TYW1B: variants seen among roughly 807,000 people sequenced by gnomAD.
The protein encoded by TYW1B is S-adenosyl-L-methionine-dependent tRNA 4-demethylwyosine synthase TYW1B.
TYW1B carries 73 observed loss-of-function variants against 86.9 expected under a neutral mutation model. The ratio of observed to expected loss-of-function variants is 0.84; its 90% CI spans 0.70 to 1.02. The LOEUF (loss-of-function observed/expected upper bound fraction) is 1.02. Among genes scored for constraint, TYW1B ranks in the 50% least tolerant of loss-of-function variants. The probability of loss-of-function intolerance (pLI) is 0.00; values close to 1 mark genes in which losing one functional copy is unlikely to be tolerated. For missense variants in TYW1B, 637 were observed against 827.4 expected (o/e 0.77, Z 2.82); for synonymous variants, 248 against 292.8 (o/e 0.85, Z 1.56).
chr7:72,720,340 G>A (rs559101414), intron 9 of TYW1B, among the ~76,000 whole-genome samples: 2 of 152,236 alleles, frequency 1.3e-5, no homozygotes, highest in African/African-American at 4.8e-5. Flanking sequence ...ATCAACAAAG[G>A]GTACTACCAC....
At chr7:72,744,418 G>A (rs1787357811) in intron 8 of TYW1B, 66 bp downstream of exon 8, 7 of 1,459,646 alleles carry the variant, frequency 4.8e-6, no homozygotes, top group Non-Finnish European at 5.8e-6. Flanking sequence ...CTGAGTGTGA[G>A]CTGGGCAGAT....
intron 3 of TYW1B, among the ~76,000 whole-genome samples, chr7:72,812,788 C>T (rs1407048270): frequency 2.0e-5 from 3 of 151,668 alleles, no homozygotes; most frequent in African/African-American, 4.8e-5. Context: ...CTCCACCTCC[C>T]GAGTTTAAGC....
At chr7:72,724,195 G>C (rs1341525895) in intron 9 of TYW1B, among the ~76,000 whole-genome samples, 1 of 152,174 alleles carries the variant, frequency 6.6e-6, no homozygotes, top group Non-Finnish European at 1.5e-5. Flanking sequence ...ATGAGAGCCA[G>C]GCACAGTGGC....
intron 8 of TYW1B, among the ~76,000 whole-genome samples, chr7:72,731,744 C>T (rs1787115123): frequency 6.6e-6 from 1 of 152,084 alleles, no homozygotes; most frequent in Admixed American, 6.6e-5. Flanking sequence ...GAGTTCGAGA[C>T]CAGCCTGGCC....
intron 6 of TYW1B, among the ~76,000 whole-genome samples, chr7:72,794,991 T>C (rs1444860981): frequency 6.6e-6 from 1 of 152,004 alleles, no homozygotes; most frequent in Non-Finnish European, 1.5e-5. Context: ...TTTTTGTTTT[T>C]GTATTTTTGG....
At chr7:72,741,362 T>C (rs1265729003) in intron 8 of TYW1B, among the ~76,000 whole-genome samples, 2 of 152,064 alleles carry the variant, frequency 1.3e-5, no homozygotes, top group African/African-American at 4.8e-5. Context: ...AACAGAAGAT[T>C]TGAACAGGCA....
At chr7:72,722,210 T>A (rs1786917193) in intron 9 of TYW1B, among the ~76,000 whole-genome samples, 1 of 152,146 alleles carries the variant, frequency 6.6e-6, no homozygotes, top group Admixed American at 6.5e-5. Flanking sequence ...TATGTTAGCA[T>A]ACCTAGCTTG....
intron 6 of TYW1B, among the ~76,000 whole-genome samples, chr7:72,789,356 G>A (rs1416831195): frequency 2.7e-5 from 4 of 149,812 alleles, no homozygotes; most frequent in South Asian, 2.1e-4. Context: ...GGCTGGTCTC[G>A]AACTCCTGAC....
At chr7:72,728,045 T>G (rs189334726) in intron 9 of TYW1B, among the ~76,000 whole-genome samples, 172 of 152,290 alleles carry the variant, frequency 1.1e-3, no homozygotes, top group Non-Finnish European at 1.5e-3. Context: ...TTTTACCACA[T>G]TACTGTGCAT....
chr7:72,723,215 T>C lies in TYW1B; in HGVS notation c.1192+5607A>G, dbSNP rs546822218. 77 of 360,222 alleles carry C rather than the reference T, an allele frequency of 2.1e-4. 2 individuals are homozygous for C. In the South Asian group the frequency reaches 9.0e-3, roughly 42 times the overall value. 22.3% of individuals were successfully genotyped at this position (360,222 alleles called of 1,614,324 possible). A position where few individuals can be genotyped will look rare whatever the true frequency, so the allele number is the denominator to read the frequency against. ...GGGCCTCACTTCCCCTCCTTCCCTT[T>C]CCCCTGGTCCCCTGTCCCTGGGGTT... On this transcript the variant is annotated intron_variant, in intron 9 of 13. Transcript: ENST00000620995.
intron 10 of TYW1B, among the ~76,000 whole-genome samples, chr7:72,712,610 G>A (rs1235635444): frequency 6.6e-6 from 1 of 152,200 alleles, no homozygotes; most frequent in Non-Finnish European, 1.5e-5. Context: ...TGACAGGCAT[G>A]AGCCACCGCG....
intron 10 of TYW1B, among the ~76,000 whole-genome samples, chr7:72,707,061 C>T (rs1374635911): frequency 6.6e-6 from 1 of 152,206 alleles, no homozygotes; most frequent in African/African-American, 2.4e-5. Context: ...GTCTGTTGTG[C>T]TGTATGTAGA....
chr7:72,798,008 T>C (rs1483677840), intron 6 of TYW1B, among the ~76,000 whole-genome samples: 11 of 58,768 alleles, frequency 1.9e-4, no homozygotes, highest in African/African-American at 4.9e-4. Context: ...TATTTATATA[T>C]ATACACACAC....
At chr7:72,817,334 G>A (rs1554479639) in intron 2 of TYW1B, among the ~76,000 whole-genome samples, 1 of 152,090 alleles carries the variant, frequency 6.6e-6, no homozygotes, top group African/African-American at 2.4e-5. Flanking sequence ...CTCGAACCCA[G>A]GAGGCGGAGG....
At chr7:72,772,102 G>A (rs1373769051) in intron 7 of TYW1B, among the ~76,000 whole-genome samples, 1 of 151,462 alleles carries the variant, frequency 6.6e-6, no homozygotes, top group Non-Finnish European at 1.5e-5. Context: ...ATCTACCTCC[G>A]CCTCCCAAAG....
intron 12 of TYW1B, among the ~76,000 whole-genome samples, chr7:72,619,404 G>A (rs548141772): frequency 1.3e-5 from 2 of 152,236 alleles, no homozygotes; most frequent in East Asian, 3.9e-4. Flanking sequence ...CACTTTGGGA[G>A]GCCGAGGCGG....
chr7:72,727,769 G>C (rs1563073721), intron 9 of TYW1B, among the ~76,000 whole-genome samples: 1 of 129,492 alleles, frequency 7.7e-6, no homozygotes, highest in Non-Finnish European at 1.5e-5. Context: ...AGCCAAGATA[G>C]CACCACATAC....
intron 11 of TYW1B, among the ~76,000 whole-genome samples, chr7:72,687,395 T>C (rs191772248): frequency 7.4e-4 from 112 of 152,110 alleles, no homozygotes; most frequent in African/African-American, 2.5e-3. Flanking sequence ...GATCACACCA[T>C]TGCACTCCAG....
At chr7:72,791,135 A>G (rs541805736) in intron 6 of TYW1B, among the ~76,000 whole-genome samples, 1 of 152,234 alleles carries the variant, frequency 6.6e-6, no homozygotes, top group Non-Finnish European at 1.5e-5. Flanking sequence ...GAGGAGCGCT[A>G]TGGAACGTCT....
Sources: allele counts gnomAD v4.1 joint callset (sites outside exome capture counted in the v4.1 genomes callset), GRCh38; gene constraint gnomAD v4.1.1; transcripts MANE v1.5; gene names NCBI Gene and HGNC (gene_info 2026-07-23, HGNC 2026-07-21).